TANC1: variants seen among roughly 807,000 people sequenced by gnomAD.
TANC1 encodes protein TANC1.
A neutral mutation model predicts 149.7 loss-of-function variants in TANC1; 77 were observed. That is an observed-to-expected ratio of 0.51 (90% CI 0.43 to 0.62). The LOEUF (loss-of-function observed/expected upper bound fraction) is 0.62. TANC1 is among the 20% of genes least tolerant of loss of function. The pLI is 0.00. For synonymous variants in TANC1, 854 were observed against 925.0 expected, an observed-to-expected ratio of 0.92 and a Z score of 1.39; for missense variants, 1,985 against 2,321.8, an observed-to-expected ratio of 0.85 and a Z score of 2.98.
chr2:159,144,463 C>T (rs1356648804), intron 5 of TANC1, among the ~76,000 whole-genome samples: 3 of 152,200 alleles, frequency 2.0e-5, no homozygotes, highest in African/African-American at 4.8e-5. Context: ...GTGACCTCCG[C>T]CTCCTGGGTT....
At chr2:159,011,206 T>TA (rs1270687206) in intron 2 of TANC1, among the ~76,000 whole-genome samples, 8 of 152,318 alleles carry the variant, frequency 5.3e-5, no homozygotes, top group Admixed American at 2.6e-4. Flanking sequence ...GTAATAATGA[T>TA]ATCAGTGAGT....
intron 12 of TANC1, 115 bp from the exon 13 acceptor site, chr2:159,176,237 C>T (rs1021812915): frequency 9.1e-6 from 5 of 546,882 alleles, no homozygotes; most frequent in Middle Eastern, 4.8e-4. Flanking sequence ...TTTCTTGTGC[C>T]ATATGTAAAC....
At chr2:159,094,553 G>A (rs764664593) in intron 3 of TANC1, among the ~76,000 whole-genome samples, 1 of 152,188 alleles carries the variant, frequency 6.6e-6, no homozygotes, top group African/African-American at 2.4e-5. Context: ...GCATCATGGT[G>A]CAGCCTAGCT....
chr2:159,043,288 C>T (rs1296938261), intron 2 of TANC1, among the ~76,000 whole-genome samples: 1 of 152,006 alleles, frequency 6.6e-6, no homozygotes, highest in Non-Finnish European at 1.5e-5. Flanking sequence ...CTTTTGCCAG[C>T]TTTCTATGGT....
chr2:159,158,441 C>T (rs1243025652), intron 7 of TANC1, among the ~76,000 whole-genome samples: 1 of 152,120 alleles, frequency 6.6e-6, no homozygotes, highest in Non-Finnish European at 1.5e-5. Flanking sequence ...GTCCATAGGG[C>T]TGTTAATGAG....
At chr2:159,205,654 C>G (rs2058550192) in intron 19 of TANC1, among the ~76,000 whole-genome samples, 1 of 152,208 alleles carries the variant, frequency 6.6e-6, no homozygotes, top group Non-Finnish European at 1.5e-5. Context: ...GTAGGCTACA[C>G]CATCGAAGTT....
At chr2:159,128,203 CT>C (rs2049680174) in intron 4 of TANC1, among the ~76,000 whole-genome samples, 1 of 152,228 alleles carries the variant, frequency 6.6e-6, no homozygotes, top group Admixed American at 6.5e-5. Context: ...TCAAATCACA[CT>C]GATCTTTTGC....
chr2:159,096,496 T>C (rs1461215766), intron 3 of TANC1, among the ~76,000 whole-genome samples: 1 of 152,212 alleles, frequency 6.6e-6, no homozygotes, highest in Non-Finnish European at 1.5e-5. Context: ...GTTTTTACTT[T>C]CTGCAGAAAG....
chr2:159,226,221 T>C, intron 24 of TANC1: 1 of 181,438 alleles, frequency 5.5e-6, no homozygotes, highest in South Asian at 1.2e-4. Flanking sequence ...CTCATGCCCG[T>C]TGTTGGCTTA....
intron 14 of TANC1, 91 bp downstream of exon 14, chr2:159,179,254 A>G (rs953241650): frequency 1.4e-6 from 2 of 1,467,696 alleles, no homozygotes; most frequent in African/African-American, 2.8e-5. Context: ...TCTCAATGGA[A>G]GGGCAATCCA....
At chr2:158,991,345 G>A (rs533437205) in intron 1 of TANC1, among the ~76,000 whole-genome samples, 1 of 152,196 alleles carries the variant, frequency 6.6e-6, no homozygotes, top group East Asian at 1.9e-4. Context: ...ACATCCATAC[G>A]ATAGAGTGGA....
At position 159,231,087 on chromosome 2, in the gene TANC1, A is replaced by G; in HGVS notation, c.*75A>G. ...GGTGGTAAATTAAATAGTTTTTTTCATCAGAAAAATTATTTTTTAGCCATT... is the reference window on the plus strand; with the variant it reads ...GGTGGTAAATTAAATAGTTTTTTTCGTCAGAAAAATTATTTTTTAGCCATT... On this transcript the variant is annotated 3_prime_UTR_variant, in exon 27 of 27. Transcript: ENST00000263635. 1 of 1,236,854 alleles carries G rather than the reference A, an allele frequency of 8.1e-7. No homozygotes were observed. Among genetic ancestry groups the G allele is most frequent in the Non-Finnish European group, 1.1e-6 (1 of 898,836 alleles). The allele number at this position is 1,236,854 out of a possible 1,614,324, so 76.6% of individuals were successfully genotyped here.
intron 16 of TANC1, among the ~76,000 whole-genome samples, chr2:159,193,174 G>T (rs1221350351): frequency 6.6e-6 from 1 of 151,212 alleles, no homozygotes; most frequent in Non-Finnish European, 1.5e-5. Context: ...TCTACTGTCT[G>T]TGAATTTGAT....
chr2:159,172,047 A>G, intron 10 of TANC1, 74 bp from the exon 11 acceptor site: 1 of 1,457,214 alleles, frequency 6.9e-7, no homozygotes, highest in Non-Finnish European at 9.4e-7. Context: ...CCCTGGCACA[A>G]ATCAAGAAAT....
At chr2:159,029,748 A>G (rs1405666357) in intron 2 of TANC1, among the ~76,000 whole-genome samples, 1 of 152,074 alleles carries the variant, frequency 6.6e-6, no homozygotes, top group Non-Finnish European at 1.5e-5. Context: ...AATTTTGTGT[A>G]GAGGTGAGGT....
At chr2:159,144,265 A>T (rs1411320028) in intron 5 of TANC1, among the ~76,000 whole-genome samples, 3 of 152,202 alleles carry the variant, frequency 2.0e-5, no homozygotes, top group Non-Finnish European at 2.9e-5. Flanking sequence ...TATGGGGTGG[A>T]TGACATGAAA....
intron 2 of TANC1, among the ~76,000 whole-genome samples, chr2:159,005,786 C>G (rs1559123166): frequency 6.6e-6 from 1 of 151,688 alleles, no homozygotes; most frequent in Non-Finnish European, 1.5e-5. Context: ...TCTGAGACCA[C>G]TACAAAAACA....
intron 6 of TANC1, chr2:159,150,086 C>G (rs1369310357): frequency 6.6e-6 from 2 of 301,642 alleles, no homozygotes; most frequent in African/African-American, 2.2e-5. Context: ...AAATGTGCAT[C>G]CTCACTAAAT....
intron 1 of TANC1, among the ~76,000 whole-genome samples, chr2:158,984,534 G>C (rs1238878366): frequency 6.6e-6 from 1 of 152,196 alleles, no homozygotes; most frequent in Non-Finnish European, 1.5e-5. Flanking sequence ...TGGAGGTCTT[G>C]TATTCATTTT....
Sources: allele counts gnomAD v4.1 joint callset (sites outside exome capture counted in the v4.1 genomes callset), GRCh38; gene constraint gnomAD v4.1.1; transcripts MANE v1.5; gene names NCBI Gene and HGNC (gene_info 2026-07-23, HGNC 2026-07-21).